USP34: variants seen among roughly 807,000 people sequenced by gnomAD.
USP34 encodes ubiquitin carboxyl-terminal hydrolase 34.
Under a neutral mutation model 460.3 loss-of-function variants are expected in USP34, and 70 were observed. The observed-to-expected ratio is 0.15, with a 90% CI of 0.13 to 0.19. The LOEUF (loss-of-function observed/expected upper bound fraction) is 0.19. USP34 is among the 10% of genes least tolerant of loss of function. The pLI is 1.00. For missense variants in USP34, 3,985 were observed against 4,236.2 expected, an observed-to-expected ratio of 0.94 and a Z score of 1.65; for synonymous variants, 1,647 against 1,405.3, an observed-to-expected ratio of 1.17 and a Z score of -3.85.
intron 30 of USP34, among the ~76,000 whole-genome samples, chr2:61,295,945 ACTT>A (rs1217007245): frequency 2.6e-5 from 4 of 152,190 alleles, no homozygotes; most frequent in African/African-American, 9.7e-5. Flanking sequence ...CAAATAAACT[ACTT>A]ATTATACAAA....
chr2:61,349,148 T>G, intron 13 of USP34, 102 bp downstream of exon 13: 1 of 1,390,726 alleles, frequency 7.2e-7, no homozygotes, highest in East Asian at 2.3e-5. Context: ...AAATGAACTT[T>G]ATGACTGATA....
At chr2:61,374,421 C>T (rs1020807448) in intron 8 of USP34, among the ~76,000 whole-genome samples, 2 of 152,112 alleles carry the variant, frequency 1.3e-5, no homozygotes, top group African/African-American at 2.4e-5. Flanking sequence ...TTATTTGTAA[C>T]TCCAAAATCA....
At chr2:61,361,365 T>C (rs1445324738) in intron 10 of USP34, among the ~76,000 whole-genome samples, 1 of 152,188 alleles carries the variant, frequency 6.6e-6, no homozygotes, top group South Asian at 2.1e-4. Flanking sequence ...GAGGCTGCAA[T>C]GAGCTGTGAC....
At chr2:61,307,943 G>A (rs141660744) in intron 27 of USP34, among the ~76,000 whole-genome samples, 13 of 152,204 alleles carry the variant, frequency 8.5e-5, no homozygotes, top group East Asian at 7.7e-4. Context: ...CAGCTACTCC[G>A]GAGACTCAGG....
Position 61,236,227 on chromosome 2 carries a change from C to A in USP34, c.6852G>T (p.Trp2284Cys). Residue 2284 changes from tryptophan to cysteine, a missense_variant, in exon 55 of 80, where the codon TGG becomes TGT. By Grantham distance (215) the Trp-to-Cys change is radical (BLOSUM62 -2). Around this residue, in one of 14 missense-constraint regions of USP34, gnomAD observed 604 missense variants for 684.8 expected, o/e 0.88. Coordinates refer to ENST00000398571, the MANE Select transcript of USP34 (RefSeq NM_014709.4). ...IFEHTYFGFM[W>C]QLCSCIPSTL... is the part of the protein sequence containing the mutation. ...TACTGGGAATACAACTACACAATTG[C>A]CACATAAATCTAGAATTTAAAAATA... 2 of 1,609,344 alleles carry A rather than the reference C, an allele frequency of 1.2e-6. No homozygotes were observed. The highest frequency in any genetic ancestry group is 1.7e-6 in the Non-Finnish European group (2 of 1,178,250).
At chr2:61,385,141 G>C (rs1021267419) in intron 5 of USP34, among the ~76,000 whole-genome samples, 5 of 151,770 alleles carry the variant, frequency 3.3e-5, no homozygotes, top group Admixed American at 2.0e-4. Flanking sequence ...ATTCCCTTAA[G>C]AACAGTATCA....
intron 50 of USP34, among the ~76,000 whole-genome samples, chr2:61,245,691 C>G (rs1280042718): frequency 6.6e-6 from 1 of 151,958 alleles, no homozygotes; most frequent in Non-Finnish European, 1.5e-5. Flanking sequence ...GGAAAAGGCA[C>G]CATGGACCTG....
chr2:61,192,752 G>C, intron 76 of USP34, 149 bp downstream of exon 76: 1 of 560,672 alleles, frequency 1.8e-6, no homozygotes, highest in Non-Finnish European at 3.2e-6. Context: ...ATATGTAATA[G>C]CTAGTATTTT....
At chr2:61,362,620 C>T (rs1419353198) in intron 10 of USP34, among the ~76,000 whole-genome samples, 4 of 152,014 alleles carry the variant, frequency 2.6e-5, no homozygotes, top group African/African-American at 9.7e-5. Flanking sequence ...GTCAAAGAAG[C>T]GGAGAGTACA....
intron 67 of USP34, 127 bp downstream of exon 67, chr2:61,220,177 AAAAAAG>A: frequency 2.1e-6 from 1 of 484,724 alleles, no homozygotes; most frequent in East Asian, 4.7e-5. Flanking sequence ...AAAAAAAAAA[AAAAAAG>A]GAAATAACAT....
intron 41 of USP34, among the ~76,000 whole-genome samples, chr2:61,267,872 G>A (rs898620889): frequency 6.6e-6 from 1 of 151,428 alleles, no homozygotes; most frequent in Non-Finnish European, 1.5e-5. Flanking sequence ...TGCCAGCCTC[G>A]GCCTCCCAAA....
chr2:61,242,112 A>C (rs1688279955), intron 51 of USP34, among the ~76,000 whole-genome samples: 1 of 152,184 alleles, frequency 6.6e-6, no homozygotes, highest in Non-Finnish European at 1.5e-5. Context: ...ACAGTGAGGC[A>C]AGAAAGTAGT....
intron 2 of USP34, among the ~76,000 whole-genome samples, chr2:61,409,720 T>C (rs1357033955): frequency 6.6e-6 from 1 of 151,836 alleles, no homozygotes; most frequent in Non-Finnish European, 1.5e-5. Context: ...TCTCAAAAAG[T>C]AAATAAATAA....
intron 1 of USP34, among the ~76,000 whole-genome samples, chr2:61,431,263 C>G (rs1386170709): frequency 6.6e-6 from 1 of 152,190 alleles, no homozygotes; most frequent in African/African-American, 2.4e-5. Context: ...AGCTCTGTCA[C>G]TCAGGCTGGA....
intron 1 of USP34, among the ~76,000 whole-genome samples, chr2:61,456,724 A>G (rs540316444): frequency 1.3e-5 from 2 of 152,310 alleles, no homozygotes; most frequent in African/African-American, 4.8e-5. Context: ...AGGCTGAGGC[A>G]GGAGGATAGT....
At chr2:61,319,730 A>C (rs1032463705) in intron 21 of USP34, among the ~76,000 whole-genome samples, 2 of 152,082 alleles carry the variant, frequency 1.3e-5, no homozygotes, top group African/African-American at 4.8e-5. Flanking sequence ...CTGTAATCTC[A>C]GTTACTCAGG....
chr2:61,346,344 G>A (rs1427346362), intron 15 of USP34: 1 of 100,912 alleles, frequency 9.9e-6, no homozygotes, highest in Non-Finnish European at 1.9e-5. Context: ...GCAATACTCT[G>A]TCTCTATAAA....
intron 53 of USP34, among the ~76,000 whole-genome samples, chr2:61,241,062 T>C (rs72811465): frequency 0.16 from 23,737 of 151,996 alleles, 2,260 homozygotes; most frequent in South Asian, 0.36. Flanking sequence ...TAAATTTTTT[T>C]GAGATGGAGT....
chr2:61,407,162 G>C (rs567862630), intron 2 of USP34, among the ~76,000 whole-genome samples: 21 of 152,326 alleles, frequency 1.4e-4, no homozygotes, highest in African/African-American at 4.8e-4. Context: ...AAGGTGGGAG[G>C]ATCGCTTAAG....
Sources: gnomAD v4.1 joint callset for allele counts (sites outside exome capture counted in the v4.1 genomes callset) on GRCh38, gnomAD v4.1.1 for gene constraint, gnomAD v4.1.1 regional missense constraint, MANE v1.5 for transcripts, NCBI Gene and HGNC (gene_info 2026-07-23, HGNC 2026-07-21) for gene names.